RAE1: variants seen among roughly 807,000 people sequenced by gnomAD.
The protein encoded by RAE1 is ribonucleic acid export 1, also known as mRNA export factor RAE1.
A neutral mutation model predicts 52.7 loss-of-function variants in RAE1; 13 were observed. That is an observed-to-expected ratio of 0.25 (90% confidence interval 0.16 to 0.39). The LOEUF (loss-of-function observed/expected upper bound fraction) is 0.39. RAE1 is among the 10% of genes least tolerant of loss of function. RAE1 has a pLI of 1.00. For missense variants in RAE1, 262 were observed against 459.8 expected (o/e 0.57, Z 3.93); for synonymous variants, 164 against 153.1 (o/e 1.07, Z -0.52).
chr20:57,375,829 G>A (rs1246143461), intron 11 of RAE1, among the ~76,000 whole-genome samples: 3 of 152,196 alleles, frequency 2.0e-5, no homozygotes, highest in Non-Finnish European at 4.4e-5. Flanking sequence ...GTCCCTTCCT[G>A]TTCCATACAG....
intron 7 of RAE1, among the ~76,000 whole-genome samples, chr20:57,367,757 A>G (rs991953712): frequency 3.3e-5 from 5 of 150,486 alleles, no homozygotes; most frequent in African/African-American, 1.2e-4. Flanking sequence ...AAAAAAAAAA[A>G]GGAAAGAAAA....
intron 7 of RAE1, among the ~76,000 whole-genome samples, chr20:57,367,780 T>A (rs1387445817): frequency 2.0e-5 from 3 of 151,948 alleles, no homozygotes; most frequent in Non-Finnish European, 2.9e-5. Context: ...AAATGGAACT[T>A]TCTCCATTTG....
chr20:57,367,207 A>C, intron 7 of RAE1, 128 bp downstream of exon 7: 1 of 830,962 alleles, frequency 1.2e-6, no homozygotes, highest in Non-Finnish European at 1.8e-6. Flanking sequence ...AATAGATATA[A>C]AGGATCGAGT....
intron 4 of RAE1, among the ~76,000 whole-genome samples, chr20:57,361,747 G>A (rs2066895130): frequency 1.3e-5 from 2 of 152,172 alleles, no homozygotes; most frequent in South Asian, 4.1e-4. Flanking sequence ...TCCCGTGACT[G>A]GCTAATAGGG....
chr20:57,359,209 T>G, intron 4 of RAE1: 1 of 412,122 alleles, frequency 2.4e-6, no homozygotes, highest in Non-Finnish European at 4.2e-6. Context: ...TTCCTTTTAT[T>G]TTTTTGTAAT....
At chr20:57,367,206 A>G in intron 7 of RAE1, 127 bp downstream of exon 7, 1 of 839,128 alleles carries the variant, frequency 1.2e-6, no homozygotes, top group Middle Eastern at 3.2e-4. Context: ...TAATAGATAT[A>G]AAGGATCGAG....
At chr20:57,367,513 TG>T (rs2066973425) in intron 7 of RAE1, among the ~76,000 whole-genome samples, 1 of 151,678 alleles carries the variant, frequency 6.6e-6, no homozygotes, top group African/African-American at 2.4e-5. Context: ...GAGGCAAAGG[TG>T]GGTGGATTGC....
chr20:57,369,308 A>G (rs1255643324), intron 8 of RAE1, among the ~76,000 whole-genome samples: 2 of 152,230 alleles, frequency 1.3e-5, no homozygotes, highest in Non-Finnish European at 2.9e-5. Flanking sequence ...TTATGGGAAG[A>G]AGAGAAGAAG....
intron 4 of RAE1, chr20:57,357,635 C>G (rs2146134755): frequency 6.6e-6 from 1 of 152,204 alleles, no homozygotes; most frequent in East Asian, 1.9e-4. Context: ...GGTAAATATA[C>G]AGTGTGTAGT....
intron 11 of RAE1, among the ~76,000 whole-genome samples, chr20:57,376,446 TGAATTTTCTA>T (rs995813920): frequency 6.6e-6 from 1 of 152,242 alleles, no homozygotes; most frequent in Non-Finnish European, 1.5e-5. Flanking sequence ...TGGACTAGTC[TGAATTTTCTA>T]GAATTTTATA....
chr20:57,351,868 G>A, intron 1 of RAE1: 1 of 985,412 alleles, frequency 1.0e-6, no homozygotes, highest in Non-Finnish European at 1.2e-6. Flanking sequence ...AGCCCGCCAA[G>A]TATTTATTGT....
chr20:57,364,107 A>G (rs1018314325), intron 4 of RAE1, among the ~76,000 whole-genome samples: 1 of 152,208 alleles, frequency 6.6e-6, no homozygotes, highest in Non-Finnish European at 1.5e-5. Context: ...CAGGGGCGCT[A>G]AAGACCCAAA....
chr20:57,353,992 A>G, intron 1 of RAE1, 40 bp from the exon 2 acceptor site: 2 of 1,539,620 alleles, frequency 1.3e-6, no homozygotes, highest in Non-Finnish European at 1.8e-6. Context: ...CAGTGATATT[A>G]AGAGAAAACC....
intron 11 of RAE1, among the ~76,000 whole-genome samples, chr20:57,375,964 G>A (rs143386387): frequency 0.011 from 1,639 of 152,338 alleles, 17 homozygotes; most frequent in Non-Finnish European, 0.016. Context: ...TCAGCCTGGG[G>A]GGCCACCACA....
At chr20:57,370,649 CAT>C (rs1344101229) in intron 8 of RAE1, among the ~76,000 whole-genome samples, 5 of 152,240 alleles carry the variant, frequency 3.3e-5, no homozygotes, top group Admixed American at 6.5e-5. Context: ...TCTTTATTCA[CAT>C]GTTACCCTTG....
intron 10 of RAE1, 149 bp from the exon 11 acceptor site, chr20:57,374,458 G>A (rs905968530): frequency 2.6e-6 from 2 of 772,410 alleles, no homozygotes; most frequent in East Asian, 4.9e-5. Flanking sequence ...GAGGAAGCCT[G>A]GATAGTTTCT....
intron 11 of RAE1, among the ~76,000 whole-genome samples, chr20:57,376,094 C>T (rs1434248991): frequency 1.3e-5 from 2 of 152,216 alleles, no homozygotes; most frequent in Admixed American, 6.5e-5. Context: ...GTCTCAGGAG[C>T]GTGGCTGCAC....
chr20:57,365,369 T>C lies in RAE1; in HGVS notation c.302T>C (p.Val101Ala), dbSNP rs1180980050. 2 of 1,608,360 alleles carry C rather than the reference T, an allele frequency of 1.2e-6. No individual in the cohort carries two copies. The highest frequency in any genetic ancestry group is 2.7e-5 in the African/African-American group (2 of 74,902). ...DVCWSDDGSK[V>A]FTASCDKTAK... is the part of the protein sequence containing the mutation. ...ATTTTATTTTAGGATGGGAGCAAAG[T>C]GTTTACGGCATCGTGTGATAAAACT... The change falls in exon 5 of 12, where the codon GTG (valine) becomes GCG (alanine). Residue 101 changes from valine (V) to alanine (A), a missense_variant. By Grantham distance (64) the Val-to-Ala change is moderately conservative. Coordinates refer to ENST00000395841, the MANE Select transcript of RAE1 (RefSeq NM_003610.4).
intron 11 of RAE1, 83 bp downstream of exon 11, chr20:57,374,884 A>C (rs765749500): frequency 2.0e-6 from 3 of 1,491,684 alleles, no homozygotes; most frequent in Non-Finnish European, 2.8e-6. Context: ...CTGAGTTGTG[A>C]CTCTTCTCAG....
Sources: allele counts gnomAD v4.1 joint callset (sites outside exome capture counted in the v4.1 genomes callset), GRCh38; gene constraint gnomAD v4.1.1; transcripts MANE v1.5; gene names NCBI Gene and HGNC (gene_info 2026-07-23, HGNC 2026-07-21).